Variants in SLC35D4 observed in about 807,000 individuals in gnomAD.
SLC35D4 encodes the protein solute carrier family 35 member D4.
the SLC35D4 span, chr18:23,298,043 C>T: frequency 6.2e-7 from 1 of 1,613,782 alleles, no homozygotes; most frequent in African/African-American, 1.3e-5. Context: ...CCAGCAAGGC[C>T]TCTCCAAGCG....
the SLC35D4 span, among the ~76,000 whole-genome samples, chr18:23,292,768 C>T: frequency 6.6e-6 from 1 of 152,188 alleles, no homozygotes; most frequent in Admixed American, 6.5e-5. Flanking sequence ...CCCTGCACTA[C>T]CATTGGGAAG....
At chr18:23,311,548 C>T in the SLC35D4 span, among the ~76,000 whole-genome samples, 3 of 152,206 alleles carry the variant, frequency 2.0e-5, no homozygotes, top group African/African-American at 7.2e-5. Context: ...AGCTTCTCTG[C>T]TTATTATCCT....
chr18:23,400,495 C>G, the SLC35D4 span, among the ~76,000 whole-genome samples: 1 of 151,986 alleles, frequency 6.6e-6, no homozygotes, highest in African/African-American at 2.4e-5. Flanking sequence ...ATGGTGGTGG[C>G]GAGCACCTAT....
At chr18:23,427,036 T>A in the SLC35D4 span, among the ~76,000 whole-genome samples, 2 of 152,204 alleles carry the variant, frequency 1.3e-5, no homozygotes, top group African/African-American at 4.8e-5. Flanking sequence ...ATTAAAGACT[T>A]AAATGTTAGA....
At chr18:23,319,705 C>T in the SLC35D4 span, among the ~76,000 whole-genome samples, 2 of 152,198 alleles carry the variant, frequency 1.3e-5, no homozygotes, top group Non-Finnish European at 2.9e-5. Context: ...TTCCAAAGTG[C>T]TGGGATTACA....
chr18:23,276,169 G>C, the SLC35D4 span, among the ~76,000 whole-genome samples: 41 of 151,676 alleles, frequency 2.7e-4, no homozygotes, highest in Non-Finnish European at 1.8e-4. Context: ...CTCACTGCAA[G>C]CTCCGCCTCC....
At chr18:23,330,005 A>G in the SLC35D4 span, among the ~76,000 whole-genome samples, 1 of 152,186 alleles carries the variant, frequency 6.6e-6, no homozygotes, top group African/African-American at 2.4e-5. Flanking sequence ...CAATGAGATC[A>G]CTTGGACACA....
the SLC35D4 span, among the ~76,000 whole-genome samples, chr18:23,279,157 C>G: frequency 6.6e-6 from 1 of 152,178 alleles, no homozygotes; most frequent in Admixed American, 6.5e-5. Flanking sequence ...CAGCTTCCAA[C>G]TTCAAACTTG....
the SLC35D4 span, among the ~76,000 whole-genome samples, chr18:23,324,522 G>A: frequency 5.3e-5 from 8 of 152,310 alleles, no homozygotes; most frequent in East Asian, 1.9e-4. Context: ...GCCAAATTAC[G>A]TTCACTGAGC....
chr18:23,238,650 A>C, the SLC35D4 span, among the ~76,000 whole-genome samples: 1 of 152,254 alleles, frequency 6.6e-6, no homozygotes, highest in Non-Finnish European at 1.5e-5. Context: ...AGGAGGGAGC[A>C]ACTGGTGTAA....
the SLC35D4 span, among the ~76,000 whole-genome samples, chr18:23,364,930 A>G: frequency 9.3e-3 from 16 of 1,722 alleles, 3 homozygotes; most frequent in African/African-American, 0.011. Flanking sequence ...AAAAAAAAAA[A>G]AAAGGACTCC....
At chr18:23,286,935 C>T in the SLC35D4 span, among the ~76,000 whole-genome samples, 41 of 151,864 alleles carry the variant, frequency 2.7e-4, no homozygotes, top group Non-Finnish European at 7.4e-5. Flanking sequence ...TGTATCCCCC[C>T]ACCTTAACCC....
the SLC35D4 span, among the ~76,000 whole-genome samples, chr18:23,271,611 C>A: frequency 5.3e-5 from 8 of 152,212 alleles, no homozygotes; most frequent in East Asian, 1.5e-3. Flanking sequence ...CCCCTTTCAA[C>A]CACATCTGAG....
chr18:23,385,854 G>A, the SLC35D4 span, among the ~76,000 whole-genome samples: 973 of 152,094 alleles, frequency 6.4e-3, 3 homozygotes, highest in Non-Finnish European at 9.8e-3. Flanking sequence ...CCCTAAGGCC[G>A]GGCGTGGTGG....
At chr18:23,334,791 G>A in the SLC35D4 span, among the ~76,000 whole-genome samples, 81 of 152,030 alleles carry the variant, frequency 5.3e-4, no homozygotes, top group African/African-American at 1.4e-3. Flanking sequence ...ACTTGAGGTC[G>A]GACGGGTTCG....
the SLC35D4 span, among the ~76,000 whole-genome samples, chr18:23,319,136 A>C: frequency 6.6e-6 from 1 of 152,092 alleles, no homozygotes; most frequent in Admixed American, 6.5e-5. Flanking sequence ...GAGGCACCGC[A>C]CCCAACCTTC....
the SLC35D4 span, among the ~76,000 whole-genome samples, chr18:23,316,012 G>A: frequency 8.5e-5 from 13 of 152,214 alleles, no homozygotes; most frequent in South Asian, 2.1e-4. Context: ...GGGAGCTTGC[G>A]CGAAATGCAG....
At chr18:23,327,293 A>G in the SLC35D4 span, among the ~76,000 whole-genome samples, 1 of 152,228 alleles carries the variant, frequency 6.6e-6, no homozygotes, top group Admixed American at 6.5e-5. Flanking sequence ...CAAAACTGAT[A>G]GACCACTAGC....
At chr18:23,331,766 T>C in the SLC35D4 span, among the ~76,000 whole-genome samples, 19 of 152,146 alleles carry the variant, frequency 1.2e-4, no homozygotes, top group Non-Finnish European at 2.6e-4. Flanking sequence ...TCTGTGGCCA[T>C]GTGCCCTTTC....
Sources: gnomAD v4.1 joint callset for allele counts (sites outside exome capture counted in the v4.1 genomes callset) on GRCh38, gnomAD v4.1.1 for gene constraint, MANE v1.5 for transcripts, NCBI Gene and HGNC (gene_info 2026-07-23, HGNC 2026-07-21) for gene names.